The following ARHGAP24 variants were observed in gnomAD, a reference collection of about 807,000 sequenced individuals.
ARHGAP24 encodes the protein rho GTPase-activating protein 24.
ARHGAP24 carries 50 observed loss-of-function variants against 76.4 expected under a neutral mutation model. The observed-to-expected ratio is 0.65, with a 90% CI of 0.52 to 0.83. ARHGAP24 has a LOEUF of 0.83. Ranked by LOEUF, ARHGAP24 falls within the 40% of genes least tolerant of loss-of-function variation. ARHGAP24 has a pLI of 0.00. For missense variants in ARHGAP24, 930 were observed against 914.2 expected (o/e 1.02, Z -0.22); for synonymous variants, 345 against 323.3 (o/e 1.07, Z -0.72).
At chr4:85,761,804 G>A (rs1026663250) in intron 3 of ARHGAP24, among the ~76,000 whole-genome samples, 2 of 152,128 alleles carry the variant, frequency 1.3e-5, no homozygotes, top group Non-Finnish European at 1.5e-5. Context: ...TTTACCTCAG[G>A]TTACTACAAA....
In ARHGAP24 at chr4:85,594,001, A is replaced by G. The variant is rs544326112; in HGVS notation, c.180+23280A>G. Among the ~76,000 whole-genome samples, 290 of 151,982 alleles carry G rather than the reference A, an allele frequency of 1.9e-3. 1 individual carries two copies. The highest frequency in any genetic ancestry group is 3.0e-3 in the Non-Finnish European group (205 of 67,934). Reference sequence around the variant, plus strand: ...TATTTCTGTGAAGAATGTCATTGGTATTTTTATAGGGATTGCATTGAATCT... The same window carrying G: ...TATTTCTGTGAAGAATGTCATTGGTGTTTTTATAGGGATTGCATTGAATCT... On this transcript the variant is annotated intron_variant, in intron 2 of 9. Coordinates refer to ENST00000395184, the MANE Select transcript of ARHGAP24 (RefSeq NM_001025616.3).
intron 3 of ARHGAP24, among the ~76,000 whole-genome samples, chr4:85,738,149 G>C (rs1400699888): frequency 2.6e-5 from 4 of 152,000 alleles, no homozygotes; most frequent in African/African-American, 9.7e-5. Context: ...TCGAACTCCT[G>C]ACCTCAGGTG....
intron 3 of ARHGAP24, among the ~76,000 whole-genome samples, chr4:85,890,941 G>A (rs1733853249): frequency 6.6e-6 from 1 of 152,180 alleles, no homozygotes; most frequent in Non-Finnish European, 1.5e-5. Context: ...TTTAACAAGT[G>A]TCTGCAAGTC....
At chr4:85,838,879 C>T (rs1199666663) in intron 3 of ARHGAP24, among the ~76,000 whole-genome samples, 1 of 152,186 alleles carries the variant, frequency 6.6e-6, no homozygotes, top group East Asian at 1.9e-4. Flanking sequence ...AAATTTTCTG[C>T]TCTTCCTCTC....
At chr4:85,873,026 G>A (rs368040675) in intron 3 of ARHGAP24, among the ~76,000 whole-genome samples, 9 of 152,252 alleles carry the variant, frequency 5.9e-5, no homozygotes, top group East Asian at 3.9e-4. Context: ...TCTAGACTTC[G>A]AAGAAACCTG....
At chr4:85,734,936 T>C (rs976395223) in intron 3 of ARHGAP24, among the ~76,000 whole-genome samples, 1 of 152,150 alleles carries the variant, frequency 6.6e-6, no homozygotes, top group African/African-American at 2.4e-5. Context: ...TACTGCCAAC[T>C]TAATTTAATG....
chr4:85,581,445 G>A lies in ARHGAP24; in HGVS notation c.180+10724G>A, dbSNP rs538843796. Reference sequence around the variant, plus strand: ...CACTCATGTTTAGAAATAAAATAGTGCAGATAAACTTGTTCTACTTTGTGG... The same window carrying A: ...CACTCATGTTTAGAAATAAAATAGTACAGATAAACTTGTTCTACTTTGTGG... On this transcript the variant is annotated intron_variant, in intron 2 of 9. Transcript: ENST00000395184. Among the ~76,000 whole-genome samples, 20 of 152,202 alleles carry A rather than the reference G, an allele frequency of 1.3e-4. No homozygotes were observed. In the South Asian group the frequency reaches 3.9e-3, roughly 30 times the overall value.
intron 3 of ARHGAP24, among the ~76,000 whole-genome samples, chr4:85,759,164 C>T (rs956062351): frequency 1.5e-4 from 23 of 152,208 alleles, no homozygotes; most frequent in African/African-American, 5.5e-4. Flanking sequence ...TTAGTTTTTC[C>T]CTATGTATCA....
At chr4:85,631,107 A>G (rs1301332578) in intron 2 of ARHGAP24, among the ~76,000 whole-genome samples, 3 of 152,122 alleles carry the variant, frequency 2.0e-5, no homozygotes, top group Non-Finnish European at 2.9e-5. Context: ...TAGAGTTGAA[A>G]TTGTCTGGGT....
Position 85,625,749 on chromosome 4 carries a change from G to A in ARHGAP24, c.180+55028G>A, listed in dbSNP as rs564987681. 3.9e-5 allele frequency among the ~76,000 whole-genome samples: 6 copies of A among 152,240 alleles called. No homozygotes were observed. In the South Asian group the frequency reaches 1.0e-3, roughly 26 times the overall value. On this transcript the variant is annotated intron_variant, in intron 2 of 9. Transcript: ENST00000395184. ...CTAAGGACTTGCTTTATGAATCTGG[G>A]TGCTCCTGTATTGGGTGCATATATA...
intron 2 of ARHGAP24, among the ~76,000 whole-genome samples, chr4:85,594,677 C>A (rs527319943): frequency 6.6e-6 from 1 of 152,148 alleles, no homozygotes; most frequent in South Asian, 2.1e-4. Flanking sequence ...CTAAGAGTGC[C>A]TCAGAAAGCA....
chr4:85,787,656 C>A (rs527740241), intron 3 of ARHGAP24, among the ~76,000 whole-genome samples: 1 of 152,204 alleles, frequency 6.6e-6, no homozygotes, highest in East Asian at 1.9e-4. Context: ...TACCCTACCA[C>A]TAAGAGCAAA....
chr4:85,647,362 C>T (rs61503855), intron 2 of ARHGAP24, among the ~76,000 whole-genome samples: 45,224 of 151,836 alleles, frequency 0.3, 8,138 homozygotes, highest in East Asian at 0.84. Flanking sequence ...ATTCCTCTGC[C>T]TTTCCTTTTG....
chr4:85,784,054 T>C (rs1273642190), intron 3 of ARHGAP24, among the ~76,000 whole-genome samples: 7 of 152,196 alleles, frequency 4.6e-5, no homozygotes, highest in Non-Finnish European at 2.9e-5. Context: ...TGCCTCCCTC[T>C]GAGTTGATTG....
At chr4:85,857,351 T>C (rs886189101) in intron 3 of ARHGAP24, among the ~76,000 whole-genome samples, 3 of 152,210 alleles carry the variant, frequency 2.0e-5, no homozygotes, top group Non-Finnish European at 4.4e-5. Context: ...AAATACATAA[T>C]GTAGTAAGTA....
intron 3 of ARHGAP24, among the ~76,000 whole-genome samples, chr4:85,909,705 A>G (rs1178597371): frequency 1.3e-5 from 2 of 152,218 alleles, no homozygotes; most frequent in African/African-American, 4.8e-5. Context: ...TCTTTAATTT[A>G]AAATTATGAA....
intron 3 of ARHGAP24, among the ~76,000 whole-genome samples, chr4:85,750,086 T>C (rs1003847491): frequency 2.0e-5 from 3 of 152,178 alleles, no homozygotes; most frequent in Non-Finnish European, 4.4e-5. Flanking sequence ...GGAGACACTA[T>C]TAAACATGAT....
chr4:85,970,788 C>T (rs1738924772), intron 5 of ARHGAP24, among the ~76,000 whole-genome samples: 1 of 152,158 alleles, frequency 6.6e-6, no homozygotes. Context: ...GAGTTGTTCA[C>T]TACTACTCTT....
At chr4:85,969,052 C>T (rs1295301025) in intron 5 of ARHGAP24, among the ~76,000 whole-genome samples, 1 of 152,106 alleles carries the variant, frequency 6.6e-6, no homozygotes, top group East Asian at 1.9e-4. Context: ...TCAAATATTT[C>T]TATTCTTGGA....
Sources: allele counts gnomAD v4.1 joint callset (sites outside exome capture counted in the v4.1 genomes callset), GRCh38; gene constraint gnomAD v4.1.1; transcripts MANE v1.5; gene names NCBI Gene and HGNC (gene_info 2026-07-23, HGNC 2026-07-21).